Variants in ZNF486 observed in about 807,000 individuals in gnomAD.
ZNF486 encodes zinc finger protein 486.
ZNF486 carries 12 observed loss-of-function variants against 12.8 expected under a neutral mutation model. The ratio of observed to expected loss-of-function variants is 0.94; its 90% confidence interval spans 0.60 to 1.52. ZNF486 has a LOEUF of 1.52. Among genes scored for constraint, ZNF486 ranks in the 40% most tolerant of loss-of-function variants. ZNF486 has a pLI of 0.00. For synonymous variants in ZNF486, 231 were observed against 184.9 expected (o/e 1.25, Z -2.02); for missense variants, 738 against 545.0 (o/e 1.35, Z -3.53).
intron 1 of ZNF486, among the ~76,000 whole-genome samples, chr19:20,180,143 C>G (rs2089768381): frequency 6.6e-6 from 1 of 152,172 alleles, no homozygotes; most frequent in Non-Finnish European, 1.5e-5. Flanking sequence ...TTGAGGATGT[C>G]CAGAGCAGAA....
At chr19:20,180,945 G>A (rs534757808) in intron 1 of ZNF486, among the ~76,000 whole-genome samples, 1 of 152,248 alleles carries the variant, frequency 6.6e-6, no homozygotes, top group South Asian at 2.1e-4. Context: ...AAAGTTGACA[G>A]GGCAGTGGCT....
At position 20,198,228 on chromosome 19, in the gene ZNF486, T is replaced by C; in HGVS notation, c.*126T>C. ...ACCTTCTGGGTTCAAGTAACTCTCC[T>C]TAGTAGCTAGGATTACAGGGCTGCA... is the stretch of plus-strand genomic sequence containing the variant. On this transcript the variant is annotated 3_prime_UTR_variant, in exon 4 of 4. Coordinates refer to ENST00000335117, the MANE Select transcript of ZNF486 (RefSeq NM_052852.4). 3.9e-6 allele frequency: 3 copies of C among 771,136 alleles called. No individual in the cohort carries two copies. Among genetic ancestry groups the C allele is most frequent in the Non-Finnish European group, 4.1e-6 (2 of 482,470 alleles). The allele number at this position is 771,136 out of a possible 1,614,324, so 47.8% of individuals were successfully genotyped here. A position where few individuals can be genotyped will look rare whatever the true frequency, so the allele number is the denominator to read the frequency against.
chr19:20,183,471 G>T (rs555176086), intron 1 of ZNF486, among the ~76,000 whole-genome samples: 26 of 152,300 alleles, frequency 1.7e-4, no homozygotes, highest in Middle Eastern at 3.4e-3. Context: ...GAACATAGGA[G>T]TTATCAAAAA....
rs549393629 is a variant in ZNF486, at chr19:20,186,465, G to C, written c.253+383G>C. ...TAAGTTGTCTTTTTGCTTCAGATCTGAAATGTGTGACAGTATTAGTTTTTG... is the reference window on the plus strand; with the variant it reads ...TAAGTTGTCTTTTTGCTTCAGATCTCAAATGTGTGACAGTATTAGTTTTTG... On this transcript the variant is annotated intron_variant, in intron 3 of 3. Coordinates refer to ENST00000335117, the MANE Select transcript of ZNF486 (RefSeq NM_052852.4). Among the ~76,000 whole-genome samples, 313 of 152,192 alleles carry C rather than the reference G, an allele frequency of 2.1e-3. 1 individual carries two copies. Among genetic ancestry groups the C allele is most frequent in the Middle Eastern group, 0.02 (6 of 294 alleles).
intron 1 of ZNF486, among the ~76,000 whole-genome samples, chr19:20,177,699 C>G (rs964992682): frequency 2.6e-5 from 4 of 152,094 alleles, no homozygotes; most frequent in Admixed American, 6.6e-5. Context: ...CTTAGCCTCC[C>G]TAGTAGCTGG....
chr19:20,174,897 G>A (rs1401633712), intron 1 of ZNF486: 2 of 152,112 alleles, frequency 1.3e-5, no homozygotes, highest in Non-Finnish European at 2.9e-5. Flanking sequence ...TGCTATTACA[G>A]GACAAATAAA....
intron 3 of ZNF486, among the ~76,000 whole-genome samples, chr19:20,191,334 G>A (rs797024844): frequency 1.3e-4 from 19 of 151,502 alleles, no homozygotes; most frequent in African/African-American, 3.2e-4. Flanking sequence ...GGGCGTGCTG[G>A]TGGGCACCTG....
rs782137150 is a variant in ZNF486 at position 20,197,890 on chromosome 19, C to T, written c.1180C>T (p.His394Tyr). ...GKAFTWSAGL[H>Y]KHRRTHTGEK... ...AGCCTTTACATGGTCTGCAGGCCTC[C>T]ATAAACATAGGAGAACTCATACTGG... Residue 394 changes from histidine (H) to tyrosine (Y), a missense_variant, in exon 4 of 4, where the codon CAT becomes TAT. Coordinates refer to ENST00000335117, the MANE Select transcript of ZNF486 (RefSeq NM_052852.4). 7.5e-6 allele frequency: 12 copies of T among 1,607,328 alleles called. No individual in the cohort carries two copies. The South Asian group carries it at 1.3e-4, about 18-fold the overall frequency.
chr19:20,178,077 C>G (rs1368989668), intron 1 of ZNF486, among the ~76,000 whole-genome samples: 1 of 149,178 alleles, frequency 6.7e-6, no homozygotes, highest in East Asian at 2.1e-4. Context: ...GTGCCTGCCA[C>G]CAGGCCCGGC....
intron 1 of ZNF486, among the ~76,000 whole-genome samples, chr19:20,173,848 C>G (rs1219934272): frequency 6.6e-6 from 1 of 151,360 alleles, no homozygotes; most frequent in African/African-American, 2.4e-5. Context: ...AAAAAAACTT[C>G]CAAAAAAATT....
chr19:20,190,654 G>A (rs527477108), intron 3 of ZNF486, among the ~76,000 whole-genome samples: 1 of 152,168 alleles, frequency 6.6e-6, no homozygotes, highest in Admixed American at 6.5e-5. Context: ...CAAAGTGTTA[G>A]GGTTATAGGC....
intron 3 of ZNF486, among the ~76,000 whole-genome samples, chr19:20,191,298 C>T (rs541590726): frequency 6.5e-4 from 98 of 150,280 alleles, no homozygotes; most frequent in African/African-American, 2.2e-3. Context: ...GGTGAAACCC[C>T]GTCTCTACCA....
At position 20,184,860 on chromosome 19, in the gene ZNF486, C is replaced by T. The variant is rs571953260; in HGVS notation, c.157+378C>T. Among the ~76,000 whole-genome samples, 61 of 152,220 alleles carry T rather than the reference C, an allele frequency of 4.0e-4. 1 individual carries two copies. In the South Asian group the frequency reaches 0.012, roughly 31 times the overall value. On this transcript the variant is annotated intron_variant, in intron 2 of 3. Transcript: ENST00000335117. Reference sequence around the variant, plus strand: ...GGCGCAGTGGCTCATACCTGTAATTCCAGCACTTTGGGAGGCTGAGACGGG... The same window carrying T: ...GGCGCAGTGGCTCATACCTGTAATTTCAGCACTTTGGGAGGCTGAGACGGG...
intron 1 of ZNF486, among the ~76,000 whole-genome samples, chr19:20,168,394 C>A (rs1339044266): frequency 1.3e-5 from 2 of 152,068 alleles, no homozygotes; most frequent in Non-Finnish European, 2.9e-5. Flanking sequence ...GTGGCTCACG[C>A]CTGTAATCCC....
intron 1 of ZNF486, among the ~76,000 whole-genome samples, chr19:20,174,585 C>T (rs1284873039): frequency 6.6e-6 from 1 of 150,644 alleles, no homozygotes; most frequent in Non-Finnish European, 1.5e-5. Context: ...AGATGGTTGT[C>T]ACCATGTTCG....
At chr19:20,175,624 G>A (rs2089699271) in intron 1 of ZNF486, among the ~76,000 whole-genome samples, 1 of 151,986 alleles carries the variant, frequency 6.6e-6, no homozygotes. Context: ...CACAGCACAT[G>A]TTTCAGAGAG....
intron 3 of ZNF486, among the ~76,000 whole-genome samples, chr19:20,192,912 T>A (rs1231384268): frequency 1.3e-5 from 2 of 152,224 alleles, no homozygotes; most frequent in African/African-American, 4.8e-5. Flanking sequence ...TTACAATGAA[T>A]AAACAAATGA....
In ZNF486 at chr19:20,197,837, A is replaced by G. The variant is rs2089976275; in HGVS notation, c.1127A>G (p.Lys376Arg). Reference sequence around the variant, plus strand: ...CATAAGATAATTCATACTGGAGAGAAACCATACAAATGTGAAGAATGTGGC... The same window carrying G: ...CATAAGATAATTCATACTGGAGAGAGACCATACAAATGTGAAGAATGTGGC... ...TMHKIIHTGE[K>R]PYKCEECGKA... Residue 376 changes from lysine to arginine, a missense_variant, in exon 4 of 4, where the codon AAA becomes AGA. Coordinates refer to ENST00000335117, the MANE Select transcript of ZNF486 (RefSeq NM_052852.4). 6.2e-7 allele frequency: 1 copy of G among 1,613,772 alleles called. No individual in the cohort carries two copies. The highest frequency in any genetic ancestry group is 8.5e-7 in the Non-Finnish European group (1 of 1,179,910).
chr19:20,176,389 C>T (rs2089715670), intron 1 of ZNF486: 1 of 158,028 alleles, frequency 6.3e-6, no homozygotes, highest in East Asian at 1.8e-4. Flanking sequence ...GATGGGCGGC[C>T]AGGCAGAGAC....
Sources: allele counts gnomAD v4.1 joint callset (sites outside exome capture counted in the v4.1 genomes callset), GRCh38; gene constraint gnomAD v4.1.1; transcripts MANE v1.5; gene names NCBI Gene and HGNC (gene_info 2026-07-23, HGNC 2026-07-21).